NOL8: variants seen among roughly 807,000 people sequenced by gnomAD.
NOL8 encodes the protein nucleolar protein Nop132.
In NOL8, 93 loss-of-function variants were observed where a neutral mutation model predicts 116.1. That is an observed-to-expected ratio of 0.80 (90% CI 0.68 to 0.95). The LOEUF (loss-of-function observed/expected upper bound fraction) is 0.95, where lower values mean the gene tolerates loss of function less well. Among genes scored for constraint, NOL8 ranks in the 40% least tolerant of loss-of-function variants. NOL8 has a pLI of 0.00. For synonymous variants in NOL8, 419 were observed against 469.0 expected, an observed-to-expected ratio of 0.89 and a Z score of 1.38; for missense variants, 1,291 against 1,382.8, an observed-to-expected ratio of 0.93 and a Z score of 1.05.
rs1839136141 is a variant in NOL8 at position 92,314,261 on chromosome 9, A to G, written c.2358+6T>C. The G allele has an allele frequency of 1.3e-6, 2 of 1,550,078 alleles. No homozygotes were observed. The highest frequency in any genetic ancestry group is 2.0e-5 in the Admixed American group (1 of 49,594). On this transcript the variant is annotated splice_donor_region_variant and intron_variant, in intron 7 of 16. Coordinates refer to ENST00000442668, the MANE Select transcript of NOL8 (RefSeq NM_017948.6). ...TGTTAAATCCATACATTGAAAATATACTCACCAAATTTGCCAGAGCATTAT... is the reference window on the plus strand; with the variant it reads ...TGTTAAATCCATACATTGAAAATATGCTCACCAAATTTGCCAGAGCATTAT...
intron 10 of NOL8, 112 bp downstream of exon 10, chr9:92,310,059 C>G (rs1564217030): frequency 5.6e-6 from 4 of 719,708 alleles, no homozygotes; most frequent in Non-Finnish European, 9.3e-6. Context: ...ACTCCTCAAT[C>G]CAATGTCTTG....
chr9:92,317,610 G>T (rs1839527898), intron 6 of NOL8, among the ~76,000 whole-genome samples: 1 of 152,172 alleles, frequency 6.6e-6, no homozygotes, highest in Admixed American at 6.5e-5. Flanking sequence ...TTGTCAATCA[G>T]TGGGGAATCT....
In NOL8 at chr9:92,314,600, T is replaced by G; in HGVS notation, c.2025A>C (p.Pro675=). The part of the protein sequence containing the change: ...EKRSKNPISR[P]LEGKKSLSLS... ...GACTTAAGGACTTCTTACCTTCTAA[T>G]GGCCTAGAAATAGGATTCTTACTTC... The change falls in exon 7 of 17, where the codon CCA becomes CCC. Residue 675 remains proline, a synonymous_variant. Coordinates refer to ENST00000442668, the MANE Select transcript of NOL8 (RefSeq NM_017948.6). 6.2e-7 allele frequency: 1 copy of G among 1,612,868 alleles called. No individual in the cohort carries two copies. The highest frequency in any genetic ancestry group is 8.5e-7 in the Non-Finnish European group (1 of 1,179,298).
chr9:92,323,483 CA>C lies in NOL8; in HGVS notation c.159del (p.Phe53LeufsTer8). 6.2e-7 allele frequency: 1 copy of C among 1,604,042 alleles called. No homozygotes were observed. On this transcript the variant is annotated frameshift_variant, in exon 3 of 17. Transcript: ENST00000442668. LOFTEE classifies it high-confidence loss of function. Reference sequence around the variant, plus strand: ...TCTGCTACACTGATGTTGATATATGCAAAAACTTTCTGTGGGTTTCCTAAAA... The same window carrying C: ...TCTGCTACACTGATGTTGATATATGCAAAACTTTCTGTGGGTTTCCTAAAA... ...KDDQGNPQKVFAYINISVAEA... is the reference protein window; with the variant it reads ...KDDQGNPQKVXAYINISVAEA...
chr9:92,311,118 G>T, intron 8 of NOL8, 28 bp downstream of exon 8: 1 of 1,517,532 alleles, frequency 6.6e-7, no homozygotes, highest in Non-Finnish European at 9.1e-7. Context: ...GTAGATGAAT[G>T]TCCACAGAGA....
At position 92,314,714 on chromosome 9, in the gene NOL8, A is replaced by G; in HGVS notation, c.1911T>C (p.Asn637=). ...TTTGAGGCTGAATATAGTTTGGGCC[A>G]TTCGCCTTCTTTGCATGTTGGCATG... ...VTPCQHAKKA[N]GPNYIQPQKR... The change falls in exon 7 of 17, where the codon AAT becomes AAC. Residue 637 remains asparagine, a synonymous_variant. Coordinates refer to ENST00000442668, the MANE Select transcript of NOL8 (RefSeq NM_017948.6). The G allele has an allele frequency of 6.2e-7, 1 of 1,613,762 alleles. No individual in the cohort carries two copies. The highest frequency in any genetic ancestry group is 8.5e-7 in the Non-Finnish European group (1 of 1,179,800).
intron 13 of NOL8, chr9:92,300,699 G>T: frequency 9.1e-7 from 1 of 1,093,132 alleles, no homozygotes; most frequent in African/African-American, 1.7e-5. Flanking sequence ...AATACTTTTT[G>T]AACAACTACT....
rs768058852 is a variant in NOL8 at position 92,310,231 on chromosome 9, C to T, written c.2626G>A (p.Asp876Asn). 3.0e-5 allele frequency: 48 copies of T among 1,609,708 alleles called. 1 individual carries two copies. The highest frequency in any genetic ancestry group is 2.8e-4 in the South Asian group (25 of 89,930). Residue 876 changes from aspartate to asparagine, a missense_variant, in exon 10 of 17, where the codon GAT becomes AAT. Coordinates refer to ENST00000442668, the MANE Select transcript of NOL8 (RefSeq NM_017948.6). ...CGAGAGTCCATGCGGAATCTGTCAT[C>T]GGTGCCAAAGTGCGACTGTAAATCC... ...LMDLQSHFGTDDRFRMDSRFL... is the reference protein window; with the variant it reads ...LMDLQSHFGTNDRFRMDSRFL...
intron 10 of NOL8, chr9:92,308,845 C>G (rs1838513195): frequency 6.6e-6 from 1 of 152,116 alleles, no homozygotes; most frequent in Non-Finnish European, 1.5e-5. Context: ...GGAACACACA[C>G]CCAAAGAGTT....
At chr9:92,299,416 A>G (rs1837524813) in intron 14 of NOL8, among the ~76,000 whole-genome samples, 1 of 152,212 alleles carries the variant, frequency 6.6e-6, no homozygotes. Context: ...TGGAAAAGGA[A>G]ACACACTCTC....
Position 92,318,679 on chromosome 9 carries a change from A to ACCC in NOL8, c.422_424dup (p.Trp141_Val142insGly), listed in dbSNP as rs1490869626. Reference sequence around the variant, plus strand: ...TAAGACTCTTCCAAATTTGCTCACAACCCAATTCTAAAAGAAAAAAAAAGA... The same window carrying ACCC: ...TAAGACTCTTCCAAATTTGCTCACAACCCCCCAATTCTAAAAGAAAAAAAAAGA... On this transcript the variant is annotated inframe_insertion, in exon 6 of 17. Coordinates refer to ENST00000442668, the MANE Select transcript of NOL8 (RefSeq NM_017948.6). 15 of 1,585,150 alleles carry ACCC rather than the reference A, an allele frequency of 9.5e-6. No individual in the cohort carries two copies.
intron 5 of NOL8, chr9:92,319,017 TTC>T (rs1320850251): frequency 1.1e-5 from 6 of 555,180 alleles, no homozygotes; most frequent in Non-Finnish European, 1.8e-5. Flanking sequence ...GAGTTTTGAT[TTC>T]TTTCTCTGTA....
At chr9:92,311,614 G>T (rs532459730) in intron 7 of NOL8, among the ~76,000 whole-genome samples, 6 of 152,120 alleles carry the variant, frequency 3.9e-5, no homozygotes, top group Non-Finnish European at 7.4e-5. Context: ...CAACATCACT[G>T]ATCATTAGAG....
chr9:92,307,516 T>G (rs1838386635), intron 10 of NOL8, among the ~76,000 whole-genome samples: 1 of 152,218 alleles, frequency 6.6e-6, no homozygotes, highest in South Asian at 2.1e-4. Flanking sequence ...AAAAACCATA[T>G]GCCCTACACA....
At chr9:92,310,316 C>T (rs1176023631) in intron 9 of NOL8, 55 bp from the exon 10 acceptor site, 8 of 1,454,592 alleles carry the variant, frequency 5.5e-6, no homozygotes, top group Non-Finnish European at 7.6e-6. Flanking sequence ...GAAATTGCTT[C>T]TGACGAAGAC....
At chr9:92,319,134 G>A (rs1328521079) in intron 5 of NOL8, 87 bp downstream of exon 5, 1 of 1,397,090 alleles carries the variant, frequency 7.2e-7, no homozygotes, top group Admixed American at 2.7e-5. Context: ...AGAGTAACTG[G>A]TTTTAGACAT....
rs1244245498 is a variant in NOL8, at chr9:92,314,872, T to C, written c.1753A>G (p.Met585Val). The change falls in exon 7 of 17, where the codon ATG (methionine) becomes GTG (valine). Residue 585 changes from methionine (M) to valine (V), a missense_variant. Transcript: ENST00000442668. Reference sequence around the variant, plus strand: ...ACACTGTCTTTCAAGGATTTTTTCATTGACTCCTTTTCATATAGACAGCCT... The same window carrying C: ...ACACTGTCTTTCAAGGATTTTTTCACTGACTCCTTTTCATATAGACAGCCT... ...GVGCLYEKES[M>V]KKSLKDSVAS... is the part of the protein sequence containing the mutation. 1.9e-6 allele frequency: 3 copies of C among 1,613,560 alleles called. No homozygotes were observed. Among genetic ancestry groups the C allele is most frequent in the East Asian group, 4.5e-5 (2 of 44,886 alleles).
At position 92,314,312 on chromosome 9, in the gene NOL8, T is replaced by G. The variant is rs758391717; in HGVS notation, c.2313A>C (p.Ala771=). ...RLAALEARQK[A]KEVQKKLVHN... is the part of the protein sequence containing the mutation. The stretch of plus-strand genomic sequence containing the variant: ...GCACCAGCTTCTTCTGCACTTCTTT[T>G]GCTTTTTGCCTCGCTTCCAAGGCTG... The change falls in exon 7 of 17, where the codon GCA becomes GCC. Residue 771 remains alanine (A), a synonymous_variant. Transcript: ENST00000442668. 3 of 1,601,994 alleles carry G rather than the reference T, an allele frequency of 1.9e-6. No homozygotes were observed. Among genetic ancestry groups the G allele is most frequent in the Admixed American group, 3.4e-5 (2 of 58,726 alleles).
intron 12 of NOL8, among the ~76,000 whole-genome samples, chr9:92,303,530 G>T (rs1837940893): frequency 6.6e-6 from 1 of 152,198 alleles, no homozygotes; most frequent in South Asian, 2.1e-4. Flanking sequence ...AGCAGAGATG[G>T]TCTGGCCTGC....
Sources: gnomAD v4.1 joint callset for allele counts (sites outside exome capture counted in the v4.1 genomes callset) on GRCh38, gnomAD v4.1.1 for gene constraint, MANE v1.5 for transcripts, NCBI Gene and HGNC (gene_info 2026-07-23, HGNC 2026-07-21) for gene names.